The following TNN variants were observed in gnomAD, a reference collection of about 807,000 sequenced individuals.
TNN encodes the protein tenascin N, also known as tenascin-N.
A neutral mutation model predicts 134.4 loss-of-function variants in TNN; 122 were observed. The ratio of observed to expected loss-of-function variants is 0.91; its 90% CI spans 0.78 to 1.06. The LOEUF (loss-of-function observed/expected upper bound fraction) is 1.06, where lower values mean the gene tolerates loss of function less well. Ranked by LOEUF, TNN falls within the 50% of genes least tolerant of loss-of-function variation. The pLI, the probability that TNN is intolerant of heterozygous loss-of-function variation, is 0.00. For synonymous variants in TNN, 710 were observed against 670.3 expected (o/e 1.06, Z -0.91); for missense variants, 1,739 against 1,699.4 (o/e 1.02, Z -0.41).
intron 15 of TNN, among the ~76,000 whole-genome samples, chr1:175,133,877 T>C (rs1412499473): frequency 6.6e-6 from 1 of 152,220 alleles, no homozygotes; most frequent in African/African-American, 2.4e-5. Flanking sequence ...CAGCTTGTAG[T>C]TCTGCTGTTT....
rs546116382 is a variant in TNN at position 175,105,976 on chromosome 1, C to T, written c.2119+7381C>T. ...TGGACCCTGCTGACTTGAATAGTTG[C>T]GCTCACCGACGCAGCAGCAGAAACA... On this transcript the variant is annotated intron_variant, in intron 9 of 18. Coordinates refer to ENST00000239462, the MANE Select transcript of TNN (RefSeq NM_022093.2). Among the ~76,000 whole-genome samples, 9 of 145,674 alleles carry T rather than the reference C, an allele frequency of 6.2e-5. 1 individual carries two copies. Among genetic ancestry groups the T allele is most frequent in the East Asian group, 2.3e-4 (1 of 4,324 alleles).
chr1:175,135,884 A>G lies in TNN; in HGVS notation c.3370A>G (p.Lys1124Glu), dbSNP rs1183226929. The G allele has an allele frequency of 6.2e-7, 1 of 1,613,826 alleles. No homozygotes were observed. Among genetic ancestry groups the G allele is most frequent in the Non-Finnish European group, 8.5e-7 (1 of 1,179,846 alleles). The change falls in exon 16 of 19, where the codon AAG becomes GAG. Residue 1124 changes from lysine (K) to glutamate (E), a missense_variant. Physicochemically the swap from Lys to Glu is moderately conservative, Grantham distance 56. Coordinates refer to ENST00000239462, the MANE Select transcript of TNN (RefSeq NM_022093.2). ...GAACACTGGGCAGCTGGATTTCTTC[A>G]AGCGATGGAGGAGCTATGTGGAAGG... ...RRNTGQLDFF[K>E]RWRSYVEGFG...
chr1:175,071,189 C>T (rs1328576443), intron 1 of TNN, among the ~76,000 whole-genome samples: 1 of 152,110 alleles, frequency 6.6e-6, no homozygotes, highest in Non-Finnish European at 1.5e-5. Context: ...CAGAGAAAGC[C>T]CTGAATTTAA....
In TNN at chr1:175,072,926, C is replaced by CTT. The variant is rs60879960; in HGVS notation, c.-35-4435_-35-4434dup. ...TGTGGTTGATGGCAAGAGTCCACGG[C>CTT]TTTTTTTTTTTTTTTTTTTTTTTTG... On this transcript the variant is annotated intron_variant, in intron 1 of 18. Coordinates refer to ENST00000239462, the MANE Select transcript of TNN (RefSeq NM_022093.2). Among the ~76,000 whole-genome samples, 46 of 46,758 alleles carry CTT rather than the reference C, an allele frequency of 9.8e-4. 1 individual carries two copies. Among genetic ancestry groups the CTT allele is most frequent in the Admixed American group, 4.1e-3 (11 of 2,662 alleles). 30.7% of individuals were successfully genotyped at this position (46,758 alleles called of 152,430 possible). A position where few individuals can be genotyped will look rare whatever the true frequency, so the allele number is the denominator to read the frequency against.
chr1:175,145,738 T>G (rs1393843354), intron 18 of TNN, among the ~76,000 whole-genome samples: 1 of 151,906 alleles, frequency 6.6e-6, no homozygotes, highest in Non-Finnish European at 1.5e-5. Context: ...GGAGGGCTCC[T>G]CTTCCCACAT....
At chr1:175,085,527 A>T in intron 6 of TNN, 33 bp downstream of exon 6, 3 of 1,415,258 alleles carry the variant, frequency 2.1e-6, no homozygotes, top group Non-Finnish European at 3.0e-6. Flanking sequence ...ATGGGCATTT[A>T]ATCATGTTTG....
rs1347939554 is a variant in TNN, at chr1:175,094,171, G to A, written c.1506G>A (p.Lys502=). Reference sequence around the variant, plus strand: ...GCAGCACTGTCCTGACGGGCCTGAAGCCAGGAGAGGCATACAAGGTCTACG... The same window carrying A: ...GCAGCACTGTCCTGACGGGCCTGAAACCAGGAGAGGCATACAAGGTCTACG... ...DESSTVLTGL[K]PGEAYKVYVW... Residue 502 remains lysine, a synonymous_variant, in exon 7 of 19, where the codon AAG becomes AAA. Coordinates refer to ENST00000239462, the MANE Select transcript of TNN (RefSeq NM_022093.2). 1.2e-5 allele frequency: 19 copies of A among 1,614,172 alleles called. No homozygotes were observed. The African/African-American group carries it at 1.5e-4, about 12-fold the overall frequency.
intron 1 of TNN, among the ~76,000 whole-genome samples, chr1:175,073,794 G>A (rs937101122): frequency 8.5e-5 from 13 of 152,154 alleles, no homozygotes; most frequent in African/African-American, 2.9e-4. Context: ...TTCCAGTGCT[G>A]GGCCACCCCT....
At chr1:175,131,186 T>C (rs1249804926) in intron 15 of TNN, among the ~76,000 whole-genome samples, 1 of 152,226 alleles carries the variant, frequency 6.6e-6, no homozygotes, top group Non-Finnish European at 1.5e-5. Context: ...CCAGAAGAAC[T>C]GTGCCCTGAG....
intron 6 of TNN, among the ~76,000 whole-genome samples, chr1:175,085,753 A>G (rs1334359539): frequency 6.6e-6 from 1 of 151,960 alleles, no homozygotes; most frequent in Non-Finnish European, 1.5e-5. Flanking sequence ...GCATGCCTGT[A>G]ATCCCAGCTA....
chr1:175,140,345 T>A (rs1265534470), intron 17 of TNN, among the ~76,000 whole-genome samples: 13 of 152,226 alleles, frequency 8.5e-5, no homozygotes. Flanking sequence ...GGACCCTCCC[T>A]GGACACAATA....
In TNN at chr1:175,077,639, C is replaced by T. The variant is rs774000633; in HGVS notation, c.221C>T (p.Ala74Val). Residue 74 changes from alanine to valine, a missense_variant, in exon 2 of 19, where the codon GCC (alanine) becomes GTC (valine). Ala to Val is a moderately conservative substitution (Grantham distance 64, BLOSUM62 0). Coordinates refer to ENST00000239462, the MANE Select transcript of TNN (RefSeq NM_022093.2). ...PLSDDGASLL[A>V]LGEAREEQNI... ...AGTGACGATGGGGCTTCGCTCTTGG[C>T]CCTGGGGGAGGCCAGGGAGGAACAG... 1 of 1,614,216 alleles carries T rather than the reference C, an allele frequency of 6.2e-7. No individual in the cohort carries two copies. The highest frequency in any genetic ancestry group is 8.5e-7 in the Non-Finnish European group (1 of 1,180,036).
Position 175,117,049 on chromosome 1 carries a change from T to A in TNN, c.2230T>A (p.Ser744Thr), listed in dbSNP as rs1370105825. 1.2e-6 allele frequency: 2 copies of A among 1,614,078 alleles called. No individual in the cohort carries two copies. Among genetic ancestry groups the A allele is most frequent in the East Asian group, 2.2e-5 (1 of 44,896 alleles). ...TIDRYVVRYTSAKDGETREVP... is the reference protein window; with the variant it reads ...TIDRYVVRYTTAKDGETREVP... ...TGACAGGTATGTGGTGCGCTACACC[T>A]CTGCCAAGGACGGAGAGACCAGGGA... Residue 744 changes from serine (S) to threonine (T), a missense_variant, in exon 10 of 19, where the codon TCT becomes ACT. By Grantham distance (58) the Ser-to-Thr change is moderately conservative. Coordinates refer to ENST00000239462, the MANE Select transcript of TNN (RefSeq NM_022093.2).
chr1:175,109,407 A>G (rs563597154), intron 9 of TNN, among the ~76,000 whole-genome samples: 2 of 151,362 alleles, frequency 1.3e-5, no homozygotes, highest in Admixed American at 6.6e-5. Flanking sequence ...GTATTTTTAA[A>G]CCCTTAAGCC....
chr1:175,106,742 C>T (rs2157566), intron 9 of TNN, among the ~76,000 whole-genome samples: 2,171 of 145,624 alleles, frequency 0.015, 203 homozygotes, highest in African/African-American at 0.051. Flanking sequence ...AACATGTTGT[C>T]GGGACCCCGG....
chr1:175,135,758 G>A lies in TNN; in HGVS notation c.3331-87G>A, dbSNP rs1675786281. ...GGCTTGCTAGCTGGAGGAAGGCAGT[G>A]TATGAGCAAGCTCTTGGTCTTCTCT... On this transcript the variant is annotated intron_variant, in intron 15 of 18. Coordinates refer to ENST00000239462, the MANE Select transcript of TNN (RefSeq NM_022093.2). 4 of 1,025,930 alleles carry A rather than the reference G, an allele frequency of 3.9e-6. No individual in the cohort carries two copies. The South Asian group carries it at 5.1e-5, about 13-fold the overall frequency. The allele number at this position is 1,025,930 out of a possible 1,614,324, so 63.6% of individuals were successfully genotyped here. A position where few individuals can be genotyped will look rare whatever the true frequency, so the allele number is the denominator to read the frequency against.
At chr1:175,125,686 CTT>C (rs1426906375) in intron 12 of TNN, among the ~76,000 whole-genome samples, 2 of 80,096 alleles carry the variant, frequency 2.5e-5, no homozygotes, top group Non-Finnish European at 5.4e-5. Context: ...TCCCTCCTTT[CTT>C]TCTCTCTTTT....
chr1:175,117,325 A>G (rs6690229), intron 10 of TNN, 120 bp downstream of exon 10: 908,826 of 1,511,128 alleles, frequency 0.6, 278,531 homozygotes, highest in African/African-American at 0.91. Flanking sequence ...GTGGGATGGC[A>G]TCCCTTCATA....
chr1:175,077,835 C>T lies in TNN; in HGVS notation c.409+8C>T. 1 of 1,604,812 alleles carries T rather than the reference C, an allele frequency of 6.2e-7. No individual in the cohort carries two copies. The highest frequency in any genetic ancestry group is 2.2e-5 in the East Asian group (1 of 44,620). On this transcript the variant is annotated splice_region_variant and intron_variant, in intron 2 of 18. Coordinates refer to ENST00000239462, the MANE Select transcript of TNN (RefSeq NM_022093.2). Reference sequence around the variant, plus strand: ...GCTGCCAGGGAGTCACTGGTGAGCTCACCACCTGGTATTCATTCAACAAAC... The same window carrying T: ...GCTGCCAGGGAGTCACTGGTGAGCTTACCACCTGGTATTCATTCAACAAAC...
Sources: allele counts gnomAD v4.1 joint callset (sites outside exome capture counted in the v4.1 genomes callset), GRCh38; gene constraint gnomAD v4.1.1; transcripts MANE v1.5; gene names NCBI Gene and HGNC (gene_info 2026-07-23, HGNC 2026-07-21).